CAPN13: variants seen among roughly 807,000 people sequenced by gnomAD.
The protein encoded by CAPN13 is calpain 13.
CAPN13 carries 90 observed loss-of-function variants against 98.4 expected under a neutral mutation model. The ratio of observed to expected loss-of-function variants is 0.92; its 90% confidence interval spans 0.77 to 1.09. CAPN13 has a LOEUF of 1.09. Among genes scored for constraint, CAPN13 ranks in the 50% least tolerant of loss-of-function variants. The pLI, the probability that CAPN13 is intolerant of heterozygous loss-of-function variation, is 0.00. For missense variants in CAPN13, 887 were observed against 841.3 expected (o/e 1.05, Z -0.67); for synonymous variants, 330 against 305.5 (o/e 1.08, Z -0.84).
chr2:30,759,702 C>CT (rs1222032949), intron 7 of CAPN13, among the ~76,000 whole-genome samples: 1 of 152,220 alleles, frequency 6.6e-6, no homozygotes, highest in Non-Finnish European at 1.5e-5. Context: ...ACCGCTGAGA[C>CT]AGCGGCGGAG....
chr2:30,761,499 G>A (rs374352179), intron 7 of CAPN13, among the ~76,000 whole-genome samples: 8 of 152,076 alleles, frequency 5.3e-5, no homozygotes, highest in South Asian at 4.2e-4. Context: ...CAGCCTCTGC[G>A]GGGACTCATG....
chr2:30,776,020 C>A lies in CAPN13; in HGVS notation c.297G>T (p.Leu99=), dbSNP rs749862133. Reference sequence around the variant, plus strand: ...ACTGTGGGTTCTGAGTCAAGGATCCCAGTGCTGCCAGGAACCAGCAGTCAG... The same window carrying A: ...ACTGTGGGTTCTGAGTCAAGGATCCAAGTGCTGCCAGGAACCAGCAGTCAG... ...GAADCWFLAA[L]GSLTQNPQYR... is the part of the protein sequence containing the mutation. Residue 99 remains leucine (L), a synonymous_variant, in exon 4 of 23, where the codon CTG becomes CTT. Coordinates refer to ENST00000295055, the MANE Select transcript of CAPN13 (RefSeq NM_144575.3). 4.3e-6 allele frequency: 7 copies of A among 1,612,002 alleles called. No homozygotes were observed. Among genetic ancestry groups the A allele is most frequent in the Admixed American group, 1.7e-5 (1 of 59,838 alleles).
At chr2:30,740,351 C>A (rs1671595108) in intron 15 of CAPN13, among the ~76,000 whole-genome samples, 2 of 152,156 alleles carry the variant, frequency 1.3e-5, no homozygotes, top group Non-Finnish European at 2.9e-5. Context: ...CCTTGGCCTG[C>A]CAAAGTGCTG....
chr2:30,801,420 C>T (rs1012368742), intron 1 of CAPN13, among the ~76,000 whole-genome samples: 1 of 151,464 alleles, frequency 6.6e-6, no homozygotes, highest in Non-Finnish European at 1.5e-5. Context: ...TTGAGACCAG[C>T]CTGCCCAACA....
At chr2:30,745,219 C>A (rs996804824) in intron 12 of CAPN13, 1 of 472,464 alleles carries the variant, frequency 2.1e-6, no homozygotes, top group Non-Finnish European at 4.4e-6. Flanking sequence ...CTCCATCCTT[C>A]CTCATATGGG....
intron 4 of CAPN13, among the ~76,000 whole-genome samples, chr2:30,772,975 G>A (rs989079259): frequency 6.6e-5 from 10 of 152,086 alleles, no homozygotes; most frequent in African/African-American, 2.2e-4. Flanking sequence ...ACAGGCATGC[G>A]CCACCACGCC....
At chr2:30,783,389 G>T (rs1030166044) in intron 2 of CAPN13, among the ~76,000 whole-genome samples, 1 of 152,156 alleles carries the variant, frequency 6.6e-6, no homozygotes, top group Non-Finnish European at 1.5e-5. Context: ...CTGGCTGGGG[G>T]AGGGGGAGGG....
At chr2:30,734,336 C>T (rs1028111095) in intron 19 of CAPN13, 113 bp downstream of exon 19, 16 of 776,812 alleles carry the variant, frequency 2.1e-5, no homozygotes, top group African/African-American at 1.7e-4. Context: ...AGAGCTGCAG[C>T]GCTCCTCTCT....
intron 3 of CAPN13, 69 bp downstream of exon 3, chr2:30,777,498 C>T: frequency 4.4e-6 from 6 of 1,374,606 alleles, no homozygotes; most frequent in Middle Eastern, 2.0e-4. Flanking sequence ...TGGGGCAGGA[C>T]TCTGTGGGTA....
chr2:30,734,665 A>G (rs746332132), intron 18 of CAPN13, 141 bp from the exon 19 acceptor site: 6 of 692,056 alleles, frequency 8.7e-6, no homozygotes, highest in Admixed American at 2.1e-5. Context: ...CACAGTGGCC[A>G]CACCTGGTGA....
At chr2:30,768,967 C>A (rs1250257284) in intron 5 of CAPN13, among the ~76,000 whole-genome samples, 1 of 151,966 alleles carries the variant, frequency 6.6e-6, no homozygotes, top group Admixed American at 6.6e-5. Flanking sequence ...TGCACACAGG[C>A]AGCCTCTGAA....
intron 5 of CAPN13, among the ~76,000 whole-genome samples, chr2:30,765,242 G>A (rs756355574): frequency 6.6e-5 from 10 of 152,300 alleles, no homozygotes; most frequent in South Asian, 4.1e-4. Context: ...AATTGGAAGC[G>A]TTCCATGGAA....
At chr2:30,731,949 C>A (rs1373373608) in intron 20 of CAPN13, among the ~76,000 whole-genome samples, 1 of 152,054 alleles carries the variant, frequency 6.6e-6, no homozygotes, top group African/African-American at 2.4e-5. Flanking sequence ...CACTGTGGCC[C>A]GACTGTGGCT....
Position 30,738,291 on chromosome 2 carries a change from G to A in CAPN13, c.1597C>T (p.Pro533Ser), listed in dbSNP as rs770673708. The change falls in exon 17 of 23, where the codon CCT becomes TCT. Residue 533 changes from proline (P) to serine (S), a missense_variant and splice_region_variant. By Grantham distance (74) the Pro-to-Ser change is moderately conservative. Coordinates refer to ENST00000295055, the MANE Select transcript of CAPN13 (RefSeq NM_144575.3). Reference protein sequence around the residue: ...GLLNQELLTGPPGDMFSLDEC... With the variant: ...GLLNQELLTGSPGDMFSLDEC... ...TCTAAGGAGAACATGTCCCCTGGAG[G>A]TCCTGAGGAGAGAAGGACAGGAAGG... 6 of 1,613,956 alleles carry A rather than the reference G, an allele frequency of 3.7e-6. No individual in the cohort carries two copies. In the Admixed American group the frequency reaches 1.0e-4, roughly 27 times the overall value.
At chr2:30,753,330 G>C in intron 9 of CAPN13, 132 bp from the exon 10 acceptor site, 1 of 901,074 alleles carries the variant, frequency 1.1e-6, no homozygotes, top group Non-Finnish European at 1.7e-6. Flanking sequence ...TCACCATCAA[G>C]CACCCTTCTA....
chr2:30,724,589 G>C (rs1670794196), intron 22 of CAPN13, among the ~76,000 whole-genome samples: 1 of 152,218 alleles, frequency 6.6e-6, no homozygotes, highest in East Asian at 1.9e-4. Flanking sequence ...CGGTTTCCCA[G>C]TTGGATACAT....
intron 22 of CAPN13, among the ~76,000 whole-genome samples, chr2:30,729,289 T>C (rs758951011): frequency 6.6e-6 from 1 of 152,192 alleles, no homozygotes; most frequent in Non-Finnish European, 1.5e-5. Context: ...AGCGCTCCTG[T>C]GGCTGATGAT....
At chr2:30,753,278 G>A in intron 9 of CAPN13, 80 bp from the exon 10 acceptor site, 1 of 1,445,910 alleles carries the variant, frequency 6.9e-7, no homozygotes. Context: ...TCACAGCATA[G>A]CCACTGTCCT....
chr2:30,728,999 C>A (rs1670960862), intron 22 of CAPN13, among the ~76,000 whole-genome samples: 1 of 152,162 alleles, frequency 6.6e-6, no homozygotes, highest in African/African-American at 2.4e-5. Context: ...AAAAGATACA[C>A]ATTTTTAAAT....
Sources: allele counts gnomAD v4.1 joint callset (sites outside exome capture counted in the v4.1 genomes callset), GRCh38; gene constraint gnomAD v4.1.1; transcripts MANE v1.5; gene names NCBI Gene and HGNC (gene_info 2026-07-23, HGNC 2026-07-21).